Variants in NCALD observed in about 807,000 individuals in gnomAD.
NCALD encodes the protein neurocalcin delta, also known as neurocalcin-delta.
NCALD carries 10 observed loss-of-function variants against 18.6 expected under a neutral mutation model. The ratio of observed to expected loss-of-function variants is 0.54; its 90% CI spans 0.33 to 0.91. NCALD has a LOEUF of 0.91. NCALD is among the 40% of genes least tolerant of loss of function. NCALD has a pLI of 0.03. For missense variants in NCALD, 184 were observed against 247.6 expected (o/e 0.74, Z 1.72); for synonymous variants, 88 against 87.4 (o/e 1.01, Z -0.04).
At chr8:101,818,731 C>T (rs892005975) in intron 4 of NCALD, among the ~76,000 whole-genome samples, 5 of 152,264 alleles carry the variant, frequency 3.3e-5, no homozygotes, top group East Asian at 1.9e-4. Context: ...TAGGGCCAGA[C>T]GCAGCGGCTC....
At chr8:101,911,876 A>C (rs1414812321) in intron 3 of NCALD, among the ~76,000 whole-genome samples, 3 of 152,200 alleles carry the variant, frequency 2.0e-5, no homozygotes, top group Non-Finnish European at 4.4e-5. Flanking sequence ...CCAAACCCAC[A>C]GTTAGACACA....
intron 1 of NCALD, among the ~76,000 whole-genome samples, chr8:101,766,904 A>G (rs948084763): frequency 1.7e-4 from 26 of 152,318 alleles, no homozygotes; most frequent in African/African-American, 5.8e-4. Flanking sequence ...AAAACTATAT[A>G]TGTATACATA....
intron 4 of NCALD, among the ~76,000 whole-genome samples, chr8:101,851,352 G>A (rs1815083360): frequency 6.6e-6 from 1 of 151,720 alleles, no homozygotes; most frequent in African/African-American, 2.4e-5. Flanking sequence ...AAAGAGAGAG[G>A]GAAGTGTATG....
rs183628729 is a variant in NCALD at position 101,861,457 on chromosome 8, G to C, written c.-20+25684C>G. Reference sequence around the variant, plus strand: ...ACATGGGTGGAACACACAGGTAGGAGGAGCAGAGGGAACAAAGACCTCATG... The same window carrying C: ...ACATGGGTGGAACACACAGGTAGGACGAGCAGAGGGAACAAAGACCTCATG... On this transcript the variant is annotated intron_variant, in intron 4 of 6. Transcript: ENST00000311028. Among the ~76,000 whole-genome samples the C allele has an allele frequency of 4.0e-5, 6 of 151,892 alleles. No homozygotes were observed. The East Asian group carries it at 1.2e-3, about 29-fold the overall frequency.
At chr8:102,122,943 AG>A (rs1351193800) in intron 1 of NCALD, among the ~76,000 whole-genome samples, 1 of 152,206 alleles carries the variant, frequency 6.6e-6, no homozygotes, top group African/African-American at 2.4e-5. Context: ...TGTGAATTTC[AG>A]TTTCTTGAGC....
At chr8:101,816,755 T>C (rs1439514408) in intron 4 of NCALD, among the ~76,000 whole-genome samples, 4 of 152,116 alleles carry the variant, frequency 2.6e-5, no homozygotes, top group Admixed American at 1.3e-4. Flanking sequence ...TCCAAACCCA[T>C]AGAATGTACA....
chr8:101,905,322 TG>T lies in NCALD; in HGVS notation c.-107+10486del, dbSNP rs1246788346. The stretch of plus-strand genomic sequence containing the variant: ...CTCTCTGGTGTATTTCTCTTTTCCC[TG>T]GGGGTATTTTTTTGACCCCCTACTT... On this transcript the variant is annotated intron_variant, in intron 3 of 6. Transcript: ENST00000311028. 4.6e-5 allele frequency among the ~76,000 whole-genome samples: 7 copies of T among 152,098 alleles called. No individual in the cohort carries two copies. The East Asian group carries it at 1.2e-3, about 25-fold the overall frequency.
intron 1 of NCALD, among the ~76,000 whole-genome samples, chr8:102,047,740 C>T (rs1336337157): frequency 1.3e-5 from 2 of 152,178 alleles, no homozygotes; most frequent in African/African-American, 4.8e-5. Flanking sequence ...CTTCTACGGA[C>T]AATCTTACCT....
chr8:102,075,476 T>C (rs982627800), intron 1 of NCALD, among the ~76,000 whole-genome samples: 6 of 152,214 alleles, frequency 3.9e-5, no homozygotes, highest in Non-Finnish European at 8.8e-5. Context: ...GCTTGTATAA[T>C]ACTATAGAAT....
chr8:101,837,887 T>C (rs1020884162), intron 4 of NCALD, among the ~76,000 whole-genome samples: 1 of 152,208 alleles, frequency 6.6e-6, no homozygotes, highest in African/African-American at 2.4e-5. Context: ...AGTCTCAACA[T>C]TGAAACATTC....
intron 1 of NCALD, among the ~76,000 whole-genome samples, chr8:101,748,569 T>C (rs1225548740): frequency 2.0e-5 from 3 of 152,182 alleles, no homozygotes; most frequent in Non-Finnish European, 4.4e-5. Context: ...CTGTGGTTTT[T>C]TGTGATTGAG....
intron 4 of NCALD, among the ~76,000 whole-genome samples, chr8:101,809,354 C>T (rs904236483): frequency 6.6e-6 from 1 of 152,110 alleles, no homozygotes; most frequent in Admixed American, 6.5e-5. Context: ...GTAAATAATT[C>T]TTTTCTCAGA....
chr8:102,092,958 T>A (rs558349633), intron 1 of NCALD, among the ~76,000 whole-genome samples: 8 of 152,178 alleles, frequency 5.3e-5, no homozygotes, highest in Non-Finnish European at 1.0e-4. Context: ...TATGTCTGTC[T>A]CCCTCATTGC....
At chr8:101,697,654 AAACAT>A (rs1815064410) in intron 2 of NCALD, among the ~76,000 whole-genome samples, 1 of 152,220 alleles carries the variant, frequency 6.6e-6, no homozygotes, top group Non-Finnish European at 1.5e-5. Flanking sequence ...GCAAATAAAT[AAACAT>A]AATCCATCAT....
intron 4 of NCALD, among the ~76,000 whole-genome samples, chr8:101,836,817 G>C (rs1814432340): frequency 6.6e-6 from 1 of 152,092 alleles, no homozygotes; most frequent in Non-Finnish European, 1.5e-5. Flanking sequence ...CTAATTCTCT[G>C]TTTGTGATTG....
chr8:101,956,583 T>G (rs981963142), intron 2 of NCALD, among the ~76,000 whole-genome samples: 1 of 150,914 alleles, frequency 6.6e-6, no homozygotes, highest in Non-Finnish European at 1.5e-5. Flanking sequence ...GAAAGAGGGA[T>G]AGGGAGAGGG....
rs1407339658 is a variant in NCALD, at chr8:101,894,814, A to G, written c.-106-7587T>C. On this transcript the variant is annotated intron_variant, in intron 3 of 6. Coordinates refer to the NCALD transcript ENST00000311028. Reference sequence around the variant, plus strand: ...TACACTCTCCCGAGACTAAACCAGGAAGAAGTTGAATCTCTGAATAGACCA... The same window carrying G: ...TACACTCTCCCGAGACTAAACCAGGGAGAAGTTGAATCTCTGAATAGACCA... Among the ~76,000 whole-genome samples, 732 of 146,946 alleles carry G rather than the reference A, an allele frequency of 5.0e-3. 7 individuals are homozygous for G. The highest frequency in any genetic ancestry group is 0.018 in the African/African-American group (660 of 37,204).
At chr8:102,107,239 T>TACAC (rs1292303449) in intron 1 of NCALD, among the ~76,000 whole-genome samples, 2 of 110,468 alleles carry the variant, frequency 1.8e-5, no homozygotes, top group Non-Finnish European at 3.8e-5. Flanking sequence ...TATATATATA[T>TACAC]ACACATAGAA....
At chr8:101,695,556 C>A (rs2130030602) in intron 2 of NCALD, among the ~76,000 whole-genome samples, 1 of 152,184 alleles carries the variant, frequency 6.6e-6, no homozygotes, top group East Asian at 1.9e-4. Context: ...TCACCTACCC[C>A]ATCTCCCCTC....
Sources: allele counts gnomAD v4.1 joint callset (sites outside exome capture counted in the v4.1 genomes callset), GRCh38; gene constraint gnomAD v4.1.1; transcripts MANE v1.5; gene names NCBI Gene and HGNC (gene_info 2026-07-23, HGNC 2026-07-21).